The following COL19A1 variants were observed in gnomAD, a reference collection of about 807,000 sequenced individuals.
The protein encoded by COL19A1 is collagen alpha-1(XIX) chain.
Under a neutral mutation model 190.2 loss-of-function variants are expected in COL19A1, and 159 were observed. The ratio of observed to expected loss-of-function variants is 0.84; its 90% CI spans 0.73 to 0.95. The LOEUF (loss-of-function observed/expected upper bound fraction) is 0.95, where lower values mean the gene tolerates loss of function less well. COL19A1 is among the 40% of genes least tolerant of loss of function. COL19A1 has a pLI of 0.00. For synonymous variants in COL19A1, 509 were observed against 458.9 expected (o/e 1.11, Z -1.39); for missense variants, 1,418 against 1,431.9 (o/e 0.99, Z 0.16).
At chr6:70,103,023 C>T (rs1311503232) in intron 16 of COL19A1, among the ~76,000 whole-genome samples, 2 of 152,130 alleles carry the variant, frequency 1.3e-5, no homozygotes, top group East Asian at 1.9e-4. Flanking sequence ...CTTCTACCCC[C>T]TACATGTTGG....
intron 11 of COL19A1, among the ~76,000 whole-genome samples, chr6:69,980,183 A>G (rs546752967): frequency 1.3e-5 from 2 of 152,220 alleles, no homozygotes; most frequent in South Asian, 2.1e-4. Context: ...ATAACATTCT[A>G]TAATGTCATA....
chr6:70,130,103 T>A, intron 17 of COL19A1, 79 bp from the exon 18 acceptor site: 10 of 1,480,968 alleles, frequency 6.8e-6, no homozygotes, highest in Non-Finnish European at 9.3e-6. Flanking sequence ...ATTATCTGAC[T>A]GCTTATACTG....
At chr6:70,078,434 T>G (rs1782021099) in intron 15 of COL19A1, among the ~76,000 whole-genome samples, 1 of 152,118 alleles carries the variant, frequency 6.6e-6, no homozygotes, top group Non-Finnish European at 1.5e-5. Context: ...GAGCATCAAG[T>G]CTCTCCCTGA....
At chr6:70,170,896 A>T (rs904005229) in intron 40 of COL19A1, among the ~76,000 whole-genome samples, 3 of 152,220 alleles carry the variant, frequency 2.0e-5, no homozygotes, top group Non-Finnish European at 1.5e-5. Flanking sequence ...ACACACTTAC[A>T]GAGAACACAA....
intron 11 of COL19A1, among the ~76,000 whole-genome samples, chr6:70,016,673 T>G (rs1582687607): frequency 1.3e-5 from 2 of 151,946 alleles, no homozygotes; most frequent in Non-Finnish European, 2.9e-5. Context: ...CATAAAGAAC[T>G]TTTACAACTC....
chr6:70,179,517 T>C (rs1766032048), intron 42 of COL19A1, among the ~76,000 whole-genome samples: 1 of 152,210 alleles, frequency 6.6e-6, no homozygotes, highest in African/African-American at 2.4e-5. Flanking sequence ...CACAAACTTA[T>C]CTGTTTCTTT....
Position 70,072,282 on chromosome 6 carries a change from A to G in COL19A1, c.1224+3806A>G, listed in dbSNP as rs1401015314. ...AAACAATAATTTTTATGTAACCTTG[A>G]ATTTTCATTTTATAGTCACATTAAA... On this transcript the variant is annotated intron_variant, in intron 15 of 50. Transcript: ENST00000620364. 3.9e-5 allele frequency among the ~76,000 whole-genome samples: 6 copies of G among 152,154 alleles called. No homozygotes were observed. In the South Asian group the frequency reaches 6.2e-4, roughly 16 times the overall value.
chr6:70,048,410 T>G (rs1343318016), intron 14 of COL19A1, among the ~76,000 whole-genome samples: 1 of 152,082 alleles, frequency 6.6e-6, no homozygotes, highest in African/African-American at 2.4e-5. Flanking sequence ...ACCCACTCAT[T>G]TAGTTGAATG....
Position 70,211,462 on chromosome 6 carries a change from C to T in COL19A1, c.*4188C>T, listed in dbSNP as rs1341849413. Among the ~76,000 whole-genome samples, 1 of 151,356 alleles carries T rather than the reference C, an allele frequency of 6.6e-6. No homozygotes were observed. The highest frequency in any genetic ancestry group is 1.5e-5 in the Non-Finnish European group (1 of 67,860). ...ATTTCTTAATACTTGAGTGTTGACA[C>T]ATTTTTGTACCATCCCCCTTTTGTA... is the stretch of plus-strand genomic sequence containing the variant. On this transcript the variant is annotated 3_prime_UTR_variant, in exon 51 of 51. Coordinates refer to ENST00000620364, the MANE Select transcript of COL19A1 (RefSeq NM_001858.6).
intron 39 of COL19A1, 84 bp downstream of exon 39, chr6:70,168,299 T>C (rs1583072485): frequency 1.4e-6 from 2 of 1,425,056 alleles, no homozygotes; most frequent in Non-Finnish European, 1.9e-6. Flanking sequence ...TTAAGTTCAC[T>C]GAAAAACGCA....
At position 70,185,007 on chromosome 6, in the gene COL19A1, C is replaced by A. The variant is rs570678614; in HGVS notation, c.2856+92C>A. ...ACACAATTATGTGTGTAGACCCCTG[C>A]AAATCACCAAATCTATAAAGGCTAG... On this transcript the variant is annotated intron_variant, in intron 46 of 50. Transcript: ENST00000620364. 26 of 1,156,320 alleles carry A rather than the reference C, an allele frequency of 2.2e-5. 1 individual carries two copies. In the Admixed American group the frequency reaches 5.2e-4, roughly 23 times the overall value. The allele number at this position is 1,156,320 out of a possible 1,614,324, so 71.6% of individuals were successfully genotyped here.
intron 15 of COL19A1, among the ~76,000 whole-genome samples, chr6:70,090,342 G>A (rs1230681587): frequency 6.6e-6 from 1 of 151,962 alleles, no homozygotes. Flanking sequence ...CATTTTTTTG[G>A]TCATTATTCC....
chr6:70,174,820 G>T (rs1050208324), intron 41 of COL19A1, among the ~76,000 whole-genome samples: 1 of 152,150 alleles, frequency 6.6e-6, no homozygotes, highest in Non-Finnish European at 1.5e-5. Context: ...TAACAAATTT[G>T]TACCATCAAT....
intron 49 of COL19A1, 77 bp from the exon 50 acceptor site, chr6:70,206,824 A>G: frequency 8.1e-7 from 1 of 1,229,988 alleles, no homozygotes; most frequent in East Asian, 2.4e-5. Context: ...TCACAGACTC[A>G]GAAAATGGTT....
intron 2 of COL19A1, among the ~76,000 whole-genome samples, chr6:69,895,867 C>T (rs1466962643): frequency 1.3e-5 from 2 of 152,052 alleles, no homozygotes; most frequent in Non-Finnish European, 2.9e-5. Context: ...TATCTTGCTC[C>T]TTCTTGTTGA....
chr6:70,144,871 C>A, intron 24 of COL19A1, 47 bp from the exon 25 acceptor site: 6 of 1,239,268 alleles, frequency 4.8e-6, no homozygotes, highest in Non-Finnish European at 6.9e-6. Flanking sequence ...TCACTTCCCA[C>A]CATGAACCTG....
In COL19A1 at chr6:70,180,521, C is replaced by T. The variant is rs200574288; in HGVS notation, c.2773C>T (p.Pro925Ser). Residue 925 changes from proline (P) to serine (S), a missense_variant and splice_region_variant, in exon 44 of 51, where the codon CCA becomes TCA. By Grantham distance (74) the Pro-to-Ser change is moderately conservative (BLOSUM62 -1). Coordinates refer to ENST00000620364, the MANE Select transcript of COL19A1 (RefSeq NM_001858.6). ...TGGACCAGAAGGACCCTCAGGAAAG[C>T]CAGTAAGTACTTCTTACTACTTAAA... is the stretch of plus-strand genomic sequence containing the variant. ...FPGPEGPSGK[P>S]GINGKDGIPG... 40 of 1,614,032 alleles carry T rather than the reference C, an allele frequency of 2.5e-5. No individual in the cohort carries two copies. The Admixed American group carries it at 5.3e-4, about 22-fold the overall frequency.
chr6:69,902,484 GC>G (rs1282615660), intron 4 of COL19A1, among the ~76,000 whole-genome samples: 1 of 152,166 alleles, frequency 6.6e-6, no homozygotes, highest in Non-Finnish European at 1.5e-5. Flanking sequence ...TTTTGCAGGG[GC>G]CTTCCAGATA....
rs542046850 is a variant in COL19A1, at chr6:69,941,517, A to T, written c.936+3417A>T. Among the ~76,000 whole-genome samples, 65 of 152,128 alleles carry T rather than the reference A, an allele frequency of 4.3e-4. 1 individual carries two copies. Among genetic ancestry groups the T allele is most frequent in the Non-Finnish European group, 2.9e-5 (2 of 68,038 alleles). ...TGCCTTAGAATTTTCAATTTATTAG[A>T]TGTAAAAATGTTGAGTTATCATCAC... On this transcript the variant is annotated intron_variant, in intron 9 of 50. Coordinates refer to ENST00000620364, the MANE Select transcript of COL19A1 (RefSeq NM_001858.6).
Sources: allele counts gnomAD v4.1 joint callset (sites outside exome capture counted in the v4.1 genomes callset), GRCh38; gene constraint gnomAD v4.1.1; transcripts MANE v1.5; gene names NCBI Gene and HGNC (gene_info 2026-07-23, HGNC 2026-07-21).